Variants in SLC35E2B observed in about 807,000 individuals in gnomAD.
The protein encoded by SLC35E2B is solute carrier family 35 member E2B.
SLC35E2B carries 18 observed loss-of-function variants against 32.4 expected under a neutral mutation model. That is an observed-to-expected ratio of 0.56 (90% CI 0.38 to 0.82). The LOEUF is 0.82. Ranked by LOEUF, SLC35E2B falls within the 40% of genes least tolerant of loss-of-function variation. The probability of loss-of-function intolerance (pLI) is 0.00; values close to 1 mark genes in which losing one functional copy is unlikely to be tolerated. For synonymous variants in SLC35E2B, 132 were observed against 209.1 expected (o/e 0.63, Z 3.18); for missense variants, 263 against 469.5 (o/e 0.56, Z 4.06).
intron 2 of SLC35E2B, among the ~76,000 whole-genome samples, chr1:1,681,988 C>CAAAAAAAAAAAAAAAAAAAAAAAAAA (rs754719969): frequency 5.3e-5 from 2 of 37,406 alleles, no homozygotes; most frequent in Non-Finnish European, 9.7e-5. Context: ...CACTCTGTCT[C>CAAAAAAAAAAAAAAAAAAAAAAAAAA]AAAAAAAAAA....
chr1:1,678,168 G>T (rs1313363873), intron 2 of SLC35E2B, among the ~76,000 whole-genome samples: 1 of 152,152 alleles, frequency 6.6e-6, no homozygotes, highest in East Asian at 1.9e-4. Flanking sequence ...CCGGGAAACT[G>T]GGGTTCCCAC....
chr1:1,671,144 C>T (rs915929250), intron 6 of SLC35E2B: 11 of 160,248 alleles, frequency 6.9e-5, no homozygotes, highest in South Asian at 4.0e-4. Flanking sequence ...ACCTGGAGGC[C>T]GCGCAGCTCC....
chr1:1,680,163 T>C (rs1164120879), intron 2 of SLC35E2B, among the ~76,000 whole-genome samples: 2 of 151,046 alleles, frequency 1.3e-5, no homozygotes, highest in African/African-American at 2.4e-5. Flanking sequence ...TAGCCGGGCA[T>C]GGTGGTGCAT....
chr1:1,670,288 CTTT>C, intron 6 of SLC35E2B, 137 bp from the exon 7 acceptor site: 7 of 646,730 alleles, frequency 1.1e-5, no homozygotes, highest in South Asian at 3.7e-5. Flanking sequence ...CGCCTGGTTA[CTTT>C]TTTTATTTTT....
At chr1:1,683,452 CAG>C (rs1012811695) in intron 2 of SLC35E2B, among the ~76,000 whole-genome samples, 3 of 152,192 alleles carry the variant, frequency 2.0e-5, no homozygotes, top group Non-Finnish European at 2.9e-5. Flanking sequence ...TAAAAGAAAA[CAG>C]AGGAGCAGCC....
At chr1:1,679,279 A>G (rs989270584) in intron 2 of SLC35E2B, among the ~76,000 whole-genome samples, 22 of 152,144 alleles carry the variant, frequency 1.4e-4, no homozygotes, top group Non-Finnish European at 2.5e-4. Flanking sequence ...TGGAATTCAA[A>G]AGGCAAGCAT....
chr1:1,680,598 G>C (rs1214540799), intron 2 of SLC35E2B, among the ~76,000 whole-genome samples: 1 of 152,108 alleles, frequency 6.6e-6, no homozygotes, highest in Admixed American at 6.5e-5. Context: ...GCTCTGTGTG[G>C]GTGACTGTCC....
rs573216342 is a variant in SLC35E2B at position 1,677,728 on chromosome 1, C to T, written c.-147-882G>A. On this transcript the variant is annotated intron_variant, in intron 2 of 9. Coordinates refer to ENST00000617444, the MANE Select transcript of SLC35E2B (RefSeq NM_001290264.2). ...GTCTCGATCTCCTGACCTCGTGAACCGCCCACCTCGGCCTCCTAAAGTTCC... is the reference window on the plus strand; with the variant it reads ...GTCTCGATCTCCTGACCTCGTGAACTGCCCACCTCGGCCTCCTAAAGTTCC... 1.1e-4 allele frequency among the ~76,000 whole-genome samples: 17 copies of T among 151,836 alleles called. No individual in the cohort carries two copies. In the East Asian group the frequency reaches 2.1e-3, roughly 19 times the overall value.
chr1:1,669,743 G>A lies in SLC35E2B; in HGVS notation c.762-7C>T. On this transcript the variant is annotated splice_polypyrimidine_tract_variant and splice_region_variant and intron_variant, in intron 7 of 9. Coordinates refer to ENST00000617444, the MANE Select transcript of SLC35E2B (RefSeq NM_001290264.2). ...GAACTGCAGCTCCGGGGCCCTGTGGGTGACAGAACACGCTGGGCCCCCCGT... is the reference window on the plus strand; with the variant it reads ...GAACTGCAGCTCCGGGGCCCTGTGGATGACAGAACACGCTGGGCCCCCCGT... 1 of 1,547,858 alleles carries A rather than the reference G, an allele frequency of 6.5e-7. No individual in the cohort carries two copies. The highest frequency in any genetic ancestry group is 1.2e-5 in the South Asian group (1 of 83,938).
At chr1:1,680,172 A>G (rs1387088705) in intron 2 of SLC35E2B, among the ~76,000 whole-genome samples, 3 of 151,742 alleles carry the variant, frequency 2.0e-5, no homozygotes, top group African/African-American at 4.8e-5. Context: ...ATGGTGGTGC[A>G]TGTCTGTAGT....
At chr1:1,675,418 G>A in intron 5 of SLC35E2B, 45 bp downstream of exon 5, 1 of 1,603,192 alleles carries the variant, frequency 6.2e-7, no homozygotes, top group Non-Finnish European at 8.5e-7. Context: ...ATGGAGGCCT[G>A]GGATGGTGGG....
intron 2 of SLC35E2B, among the ~76,000 whole-genome samples, chr1:1,679,248 C>CGA (rs1363399555): frequency 1.1e-4 from 16 of 152,210 alleles, no homozygotes; most frequent in Non-Finnish European, 2.9e-5. Context: ...AGTCACGTCC[C>CGA]ACCTGACGTC....
chr1:1,689,740 A>G, intron 2 of SLC35E2B, among the ~76,000 whole-genome samples: 1 of 151,466 alleles, frequency 6.6e-6, no homozygotes, highest in Non-Finnish European at 1.5e-5. Context: ...TAATCCTAGC[A>G]CTTTGGGAGG....
chr1:1,687,236 T>G (rs28541555), intron 2 of SLC35E2B, among the ~76,000 whole-genome samples: 55,666 of 152,020 alleles, frequency 0.37, 11,474 homozygotes, highest in East Asian at 0.54. Context: ...CAGTCACACC[T>G]GCACAGCGCG....
rs371060303 is a variant in SLC35E2B at position 1,667,883 on chromosome 1, G to A, written c.980+444C>T. ...TTTTTTTTTTTTGAGAAGGACTCTCGCTCCCATCCCCCAGGCTGGAGTGCA... is the reference window on the plus strand; with the variant it reads ...TTTTTTTTTTTTGAGAAGGACTCTCACTCCCATCCCCCAGGCTGGAGTGCA... On this transcript the variant is annotated intron_variant, in intron 9 of 9. Transcript: ENST00000617444. 2.8e-4 allele frequency among the ~76,000 whole-genome samples: 42 copies of A among 148,324 alleles called. No individual in the cohort carries two copies. The South Asian group carries it at 6.8e-3, about 24-fold the overall frequency.
chr1:1,689,107 G>A (rs1431781703), intron 2 of SLC35E2B, among the ~76,000 whole-genome samples: 2 of 152,038 alleles, frequency 1.3e-5, no homozygotes. Flanking sequence ...GGGAGACGGA[G>A]GCTTTAGTGA....
At chr1:1,683,894 A>G (rs1643921630) in intron 2 of SLC35E2B, among the ~76,000 whole-genome samples, 1 of 152,106 alleles carries the variant, frequency 6.6e-6, no homozygotes, top group Non-Finnish European at 1.5e-5. Context: ...AGTGCAAAAC[A>G]TCATGGTTGG....
intron 9 of SLC35E2B, among the ~76,000 whole-genome samples, chr1:1,667,192 G>A (rs1316355128): frequency 2.1e-5 from 3 of 143,994 alleles, no homozygotes; most frequent in African/African-American, 7.8e-5. Flanking sequence ...AGATCACAAG[G>A]TCAGGAGATC....
intron 2 of SLC35E2B, among the ~76,000 whole-genome samples, chr1:1,690,221 G>A (rs1342107225): frequency 7.0e-6 from 1 of 142,758 alleles, no homozygotes; most frequent in East Asian, 2.1e-4. Context: ...CAGAGGTTGT[G>A]ATGAGCCAAG....
Sources: allele counts gnomAD v4.1 joint callset (sites outside exome capture counted in the v4.1 genomes callset), GRCh38; gene constraint gnomAD v4.1.1; transcripts MANE v1.5; gene names NCBI Gene and HGNC (gene_info 2026-07-23, HGNC 2026-07-21).